FERMT1: variants seen among roughly 807,000 people sequenced by gnomAD.
The protein encoded by FERMT1 is fermitin family homolog 1.
Under a neutral mutation model 85.3 loss-of-function variants are expected in FERMT1, and 60 were observed. The ratio of observed to expected loss-of-function variants is 0.70; its 90% CI spans 0.57 to 0.87. The LOEUF (loss-of-function observed/expected upper bound fraction) is 0.87. Ranked by LOEUF, FERMT1 falls within the 40% of genes least tolerant of loss-of-function variation. FERMT1 has a pLI of 0.00. For synonymous variants in FERMT1, 275 were observed against 301.1 expected (o/e 0.91, Z 0.90); for missense variants, 701 against 818.9 (o/e 0.86, Z 1.76).
rs1983198528 is a variant in FERMT1 at position 6,119,340 on chromosome 20, A to G, written c.151+64T>C. On this transcript the variant is annotated intron_variant, in intron 2 of 14. Coordinates refer to ENST00000217289, the MANE Select transcript of FERMT1 (RefSeq NM_017671.5). ...ATGATCAGAAAAACCTACACCAGCC[A>G]TTAGTGGTGATGCACCAGACAGGGT... The G allele has an allele frequency of 9.4e-6, 14 of 1,488,632 alleles. No individual in the cohort carries two copies. The Middle Eastern group carries it at 5.2e-4, about 55-fold the overall frequency. The allele number at this position is 1,488,632 out of a possible 1,614,324, so 92.2% of individuals were successfully genotyped here.
Position 6,112,511 on chromosome 20 carries a change from G to C in FERMT1, c.498C>G (p.Asn166Lys). ...NKEPIIEDIL[N>K]LESSPTASGS... ...CTGAAGCTGTTGGAGAACTCTCCAG[G>C]TTTAGAATATCTTCAATTATGGGTT... Residue 166 changes from asparagine (N) to lysine (K), a missense_variant, in exon 4 of 15, where the codon AAC (asparagine) becomes AAG (lysine). Asn to Lys is a moderately conservative substitution (Grantham distance 94). Coordinates refer to ENST00000217289, the MANE Select transcript of FERMT1 (RefSeq NM_017671.5). The C allele has an allele frequency of 1.9e-6, 3 of 1,613,622 alleles. No individual in the cohort carries two copies. The highest frequency in any genetic ancestry group is 2.5e-6 in the Non-Finnish European group (3 of 1,179,736).
intron 13 of FERMT1, 29 bp downstream of exon 13, chr20:6,084,011 T>G: frequency 1.2e-6 from 2 of 1,613,942 alleles, no homozygotes; most frequent in Non-Finnish European, 1.7e-6. Flanking sequence ...GAATGGAAAG[T>G]GTGAGAAACA....
At chr20:6,121,629 A>G (rs1983279114) in intron 1 of FERMT1, among the ~76,000 whole-genome samples, 1 of 152,204 alleles carries the variant, frequency 6.6e-6, no homozygotes, top group Non-Finnish European at 1.5e-5. Flanking sequence ...GTCTTCTGTT[A>G]TCCCTTTTTC....
chr20:6,097,106 T>C, intron 7 of FERMT1, 73 bp from the exon 8 acceptor site: 2 of 1,465,638 alleles, frequency 1.4e-6, no homozygotes, highest in Non-Finnish European at 1.9e-6. Flanking sequence ...CCATTAGCCA[T>C]TTTTTTCTTT....
intron 13 of FERMT1, among the ~76,000 whole-genome samples, chr20:6,082,886 T>C (rs143665336): frequency 3.3e-5 from 5 of 152,052 alleles, no homozygotes; most frequent in African/African-American, 9.7e-5. Context: ...TCTTGAACTC[T>C]TGAGCTCAGG....
At position 6,110,101 on chromosome 20, in the gene FERMT1, A is replaced by G. The variant is rs1467335863; in HGVS notation, c.746+197T>C. On this transcript the variant is annotated intron_variant, in intron 5 of 14. Coordinates refer to ENST00000217289, the MANE Select transcript of FERMT1 (RefSeq NM_017671.5). The stretch of plus-strand genomic sequence containing the variant: ...AGTAAATCTACTGAGTTACCCAAAC[A>G]TGTAAATTTAGGCACACTTTAAATA... Among the ~76,000 whole-genome samples the G allele has an allele frequency of 2.6e-5, 4 of 152,216 alleles. No individual in the cohort carries two copies. In the East Asian group the frequency reaches 7.7e-4, roughly 29 times the overall value.
At chr20:6,119,319 T>G (rs1278637493) in intron 2 of FERMT1, 85 bp downstream of exon 2, 2 of 1,315,866 alleles carry the variant, frequency 1.5e-6, no homozygotes, top group Non-Finnish European at 2.2e-6. Context: ...AGATAAATGA[T>G]CAGAAAAACC....
At chr20:6,118,932 A>G (rs1600451655) in intron 2 of FERMT1, among the ~76,000 whole-genome samples, 1 of 150,720 alleles carries the variant, frequency 6.6e-6, no homozygotes, top group African/African-American at 2.4e-5. Flanking sequence ...TTAGCTTGCC[A>G]CCAAAGACTC....
chr20:6,102,078 A>C (rs1982673624), intron 6 of FERMT1, among the ~76,000 whole-genome samples: 1 of 152,074 alleles, frequency 6.6e-6, no homozygotes, highest in Admixed American at 6.6e-5. Context: ...TGCAGGGTGT[A>C]GTGCAGTGGT....
At position 6,091,277 on chromosome 20, in the gene FERMT1, T is replaced by A. The variant is rs147967969; in HGVS notation, c.1140-2188A>T. ...TGAAGTCTTGCTCTGTCACCCAGGCTGGAGTGCAGTGGCGCAATCTTGTCT... is the reference window on the plus strand; with the variant it reads ...TGAAGTCTTGCTCTGTCACCCAGGCAGGAGTGCAGTGGCGCAATCTTGTCT... On this transcript the variant is annotated intron_variant, in intron 9 of 14. Coordinates refer to ENST00000217289, the MANE Select transcript of FERMT1 (RefSeq NM_017671.5). 6.5e-3 allele frequency among the ~76,000 whole-genome samples: 982 copies of A among 152,098 alleles called. 11 individuals carry two copies. The highest frequency in any genetic ancestry group is 0.022 in the African/African-American group (896 of 41,518).
chr20:6,092,292 C>T (rs1485972440), intron 9 of FERMT1, among the ~76,000 whole-genome samples: 1 of 152,104 alleles, frequency 6.6e-6, no homozygotes, highest in African/African-American at 2.4e-5. Flanking sequence ...TGCCTGGAAT[C>T]CCAGGACTTT....
At chr20:6,101,493 G>A (rs1020346031) in intron 6 of FERMT1, among the ~76,000 whole-genome samples, 8 of 152,132 alleles carry the variant, frequency 5.3e-5, no homozygotes, top group African/African-American at 1.9e-4. Context: ...GGAACACAAA[G>A]TCTTGAAAAT....
intron 1 of FERMT1, among the ~76,000 whole-genome samples, chr20:6,122,400 G>A (rs531048571): frequency 3.9e-5 from 6 of 152,304 alleles, no homozygotes; most frequent in Admixed American, 6.5e-5. Flanking sequence ...GGGATGGAGA[G>A]CAGGAAGGAG....
At chr20:6,103,708 A>G (rs1012236060) in intron 6 of FERMT1, among the ~76,000 whole-genome samples, 1 of 146,868 alleles carries the variant, frequency 6.8e-6, no homozygotes, top group Non-Finnish European at 1.5e-5. Flanking sequence ...CTCTTTACAT[A>G]TTAGAGAAAT....
intron 14 of FERMT1, 64 bp from the exon 15 acceptor site, chr20:6,077,410 T>G: frequency 1.3e-6 from 2 of 1,567,344 alleles, no homozygotes; most frequent in Non-Finnish European, 1.8e-6. Flanking sequence ...AAAAGTGCTT[T>G]GCTGGACTGG....
At position 6,115,835 on chromosome 20, in the gene FERMT1, C is replaced by G. The variant is rs766455399; in HGVS notation, c.361G>C (p.Val121Leu). 3 of 1,614,138 alleles carry G rather than the reference C, an allele frequency of 1.9e-6. No homozygotes were observed. The highest frequency in any genetic ancestry group is 4.5e-5 in the East Asian group (2 of 44,880). Residue 121 changes from valine to leucine, a missense_variant, in exon 3 of 15, where the codon GTC (valine) becomes CTC (leucine). Coordinates refer to ENST00000217289, the MANE Select transcript of FERMT1 (RefSeq NM_017671.5). ...CTCAGGATTTTGCAGATATCACTGA[C>G]AGCTTTAAAAACCACAGCTGAGAAG... ...VSFSAVVFKA[V>L]SDICKILNIR...
In FERMT1 at chr20:6,085,331, C is replaced by A. The variant is rs753368173; in HGVS notation, c.1372-44G>T. Reference sequence around the variant, plus strand: ...TGAGAAGCAAGCTCAAGTGCAAAGCCCCCTGCTGCACACAGAGGGGGACTT... The same window carrying A: ...TGAGAAGCAAGCTCAAGTGCAAAGCACCCTGCTGCACACAGAGGGGGACTT... On this transcript the variant is annotated intron_variant, in intron 11 of 14. Transcript: ENST00000217289. The A allele has an allele frequency of 2.6e-6, 4 of 1,563,206 alleles. No individual in the cohort carries two copies. The Admixed American group carries it at 6.7e-5, about 26-fold the overall frequency.
At chr20:6,097,170 G>A (rs958047140) in intron 7 of FERMT1, 137 bp from the exon 8 acceptor site, 3 of 894,792 alleles carry the variant, frequency 3.4e-6, no homozygotes, top group South Asian at 1.4e-5. Flanking sequence ...TCTCCTTCCC[G>A]TGTGGGGAAA....
chr20:6,120,706 C>A (rs73074396), intron 1 of FERMT1, among the ~76,000 whole-genome samples: 75 of 152,222 alleles, frequency 4.9e-4, no homozygotes, highest in Non-Finnish European at 7.6e-4. Context: ...TAAGAAACAT[C>A]AATGCACTCA....
Sources: allele counts gnomAD v4.1 joint callset (sites outside exome capture counted in the v4.1 genomes callset), GRCh38; gene constraint gnomAD v4.1.1; transcripts MANE v1.5; gene names NCBI Gene and HGNC (gene_info 2026-07-23, HGNC 2026-07-21).